The following INPP4A variants were observed in gnomAD, a reference collection of about 807,000 sequenced individuals.
INPP4A encodes the protein inositol polyphosphate-4-phosphatase type I A.
A neutral mutation model predicts 119.8 loss-of-function variants in INPP4A; 33 were observed. The observed-to-expected ratio is 0.28, with a 90% CI of 0.21 to 0.37. INPP4A has a LOEUF of 0.37. Among genes scored for constraint, INPP4A ranks in the 10% least tolerant of loss-of-function variants. The pLI is 1.00. For missense variants in INPP4A, 956 were observed against 1,289.9 expected, an observed-to-expected ratio of 0.74 and a Z score of 3.97; for synonymous variants, 496 against 500.7, an observed-to-expected ratio of 0.99 and a Z score of 0.12.
At chr2:98,527,184 A>T (rs1478872877) in intron 4 of INPP4A, among the ~76,000 whole-genome samples, 1 of 152,186 alleles carries the variant, frequency 6.6e-6, no homozygotes, top group African/African-American at 2.4e-5. Context: ...AGTGAAAATC[A>T]ATAGCCTAAA....
intron 1 of INPP4A, among the ~76,000 whole-genome samples, chr2:98,448,369 A>G (rs930687396): frequency 6.6e-6 from 1 of 151,868 alleles, no homozygotes; most frequent in Non-Finnish European, 1.5e-5. Context: ...AAAAAAAAAA[A>G]AAAAATCATG....
intron 18 of INPP4A, 44 bp downstream of exon 18, chr2:98,563,681 A>G: frequency 6.3e-7 from 1 of 1,592,582 alleles, no homozygotes; most frequent in South Asian, 1.1e-5. Context: ...GGCACCTCTC[A>G]GCTCAGAAAA....
chr2:98,485,608 A>C (rs183551151), intron 1 of INPP4A, among the ~76,000 whole-genome samples: 4 of 151,384 alleles, frequency 2.6e-5, no homozygotes, highest in African/African-American at 4.9e-5. Context: ...CACTAATGCA[A>C]CTCTTCTGGT....
intron 5 of INPP4A, among the ~76,000 whole-genome samples, chr2:98,533,760 G>GT (rs1216465299): frequency 6.6e-6 from 1 of 152,192 alleles, no homozygotes; most frequent in Non-Finnish European, 1.5e-5. Flanking sequence ...TCATTGCCTT[G>GT]TAAGAGGTAA....
intron 1 of INPP4A, among the ~76,000 whole-genome samples, chr2:98,479,614 CAG>C (rs1677991784): frequency 6.6e-6 from 1 of 152,200 alleles, no homozygotes; most frequent in African/African-American, 2.4e-5. Context: ...TTCTGTGACA[CAG>C]AAAGTGTGGT....
At chr2:98,500,440 G>C (rs1256430129) in intron 1 of INPP4A, among the ~76,000 whole-genome samples, 1 of 152,184 alleles carries the variant, frequency 6.6e-6, no homozygotes, top group African/African-American at 2.4e-5. Flanking sequence ...CATGTCTGCT[G>C]TTCCAGAGAA....
chr2:98,461,933 C>T (rs1053547280), intron 1 of INPP4A, among the ~76,000 whole-genome samples: 4 of 152,192 alleles, frequency 2.6e-5, no homozygotes, highest in Admixed American at 6.5e-5. Flanking sequence ...CACACTAATA[C>T]GTTAGTTTTG....
chr2:98,543,871 T>C lies in INPP4A; in HGVS notation c.819-6T>C. Reference sequence around the variant, plus strand: ...ACAGCCTGATGCATCTGTGTCTTGCTTTCAGAGTGTGTGAGCTGGAGGAGC... The same window carrying C: ...ACAGCCTGATGCATCTGTGTCTTGCCTTCAGAGTGTGTGAGCTGGAGGAGC... On this transcript the variant is annotated splice_region_variant and splice_polypyrimidine_tract_variant and intron_variant, in intron 10 of 24. Coordinates refer to ENST00000409851, the MANE Select transcript of INPP4A (RefSeq NM_001134225.2). 6.2e-7 allele frequency: 1 copy of C among 1,613,600 alleles called. No homozygotes were observed. The highest frequency in any genetic ancestry group is 8.5e-7 in the Non-Finnish European group (1 of 1,179,702).
chr2:98,549,847 G>A (rs958860280), intron 13 of INPP4A, among the ~76,000 whole-genome samples: 8 of 152,142 alleles, frequency 5.3e-5, no homozygotes, highest in East Asian at 3.9e-4. Context: ...ATCTAGGGAC[G>A]GTTGCTGCTG....
intron 5 of INPP4A, 101 bp downstream of exon 5, chr2:98,533,596 AT>A: frequency 1.4e-6 from 1 of 733,838 alleles, no homozygotes; most frequent in Non-Finnish European, 2.4e-6. Context: ...CTGAAGCTGT[AT>A]TTACGTGAGT....
At chr2:98,449,412 C>T (rs929028213) in intron 1 of INPP4A, among the ~76,000 whole-genome samples, 1 of 152,202 alleles carries the variant, frequency 6.6e-6, no homozygotes, top group Non-Finnish European at 1.5e-5. Flanking sequence ...TAGTCCATTA[C>T]TCCCATTATG....
chr2:98,541,401 T>C (rs1216025981), intron 10 of INPP4A, among the ~76,000 whole-genome samples: 1 of 152,186 alleles, frequency 6.6e-6, no homozygotes, highest in Non-Finnish European at 1.5e-5. Flanking sequence ...CAATTGTTAA[T>C]ATTTTGCCAA....
chr2:98,550,019 A>G (rs1330083008), intron 13 of INPP4A, among the ~76,000 whole-genome samples: 1 of 152,054 alleles, frequency 6.6e-6, no homozygotes, highest in Non-Finnish European at 1.5e-5. Context: ...GGGCAGAGGA[A>G]GAGGAATGGG....
At chr2:98,500,636 G>A (rs1484060102) in intron 1 of INPP4A, among the ~76,000 whole-genome samples, 1 of 151,994 alleles carries the variant, frequency 6.6e-6, no homozygotes, top group Non-Finnish European at 1.5e-5. Flanking sequence ...TCAGTGGATG[G>A]GAACTTACTA....
intron 1 of INPP4A, among the ~76,000 whole-genome samples, chr2:98,503,596 C>A (rs1360542223): frequency 6.6e-6 from 1 of 152,250 alleles, no homozygotes; most frequent in Non-Finnish European, 1.5e-5. Context: ...TTTACTCCAT[C>A]ATTAAACTGT....
At chr2:98,551,955 C>A (rs1693608482) in intron 13 of INPP4A, among the ~76,000 whole-genome samples, 1 of 152,160 alleles carries the variant, frequency 6.6e-6, no homozygotes, top group African/African-American at 2.4e-5. Context: ...ACTGGCCAGG[C>A]CCCCACAGCG....
intron 13 of INPP4A, among the ~76,000 whole-genome samples, chr2:98,549,790 G>T (rs1196002760): frequency 6.6e-6 from 1 of 152,138 alleles, no homozygotes; most frequent in Non-Finnish European, 1.5e-5. Context: ...TCCCCCTGGG[G>T]GTCCTTTTCC....
intron 4 of INPP4A, among the ~76,000 whole-genome samples, chr2:98,529,091 A>G (rs1031212629): frequency 5.9e-5 from 9 of 152,204 alleles, no homozygotes; most frequent in Non-Finnish European, 1.0e-4. Context: ...AAAAAAAAAA[A>G]AAAATTTCTA....
intron 4 of INPP4A, chr2:98,521,871 G>C (rs1015769692): frequency 2.6e-5 from 4 of 152,062 alleles, no homozygotes; most frequent in African/African-American, 9.7e-5. Context: ...AGGAGTTTGA[G>C]ACTGCAGTGA....
Sources: allele counts gnomAD v4.1 joint callset (sites outside exome capture counted in the v4.1 genomes callset), GRCh38; gene constraint gnomAD v4.1.1; transcripts MANE v1.5; gene names NCBI Gene and HGNC (gene_info 2026-07-23, HGNC 2026-07-21).